The following DIAPH2 variants were observed in gnomAD, a reference collection of about 807,000 sequenced individuals.
The protein encoded by DIAPH2 is protein diaphanous homolog 2.
Under a neutral mutation model 92.7 loss-of-function variants are expected in DIAPH2, and 35 were observed. The ratio of observed to expected loss-of-function variants is 0.38; its 90% confidence interval spans 0.29 to 0.50. DIAPH2 has a LOEUF of 0.50. Ranked by LOEUF, DIAPH2 falls within the 20% of genes least tolerant of loss-of-function variation. DIAPH2 has a pLI of 0.94. For synonymous variants in DIAPH2, 301 were observed against 280.4 expected (o/e 1.07, Z -0.73); for missense variants, 701 against 819.5 (o/e 0.86, Z 1.77).
At chrX:97,593,401 A>G (rs138486520) in intron 26 of DIAPH2, among the ~76,000 whole-genome samples, 1,285 of 111,336 alleles carry the variant, frequency 0.012, 23 homozygotes, top group African/African-American at 0.04. Flanking sequence ...GTAAGAAAAA[A>G]AAGAAACAAA....
intron 23 of DIAPH2, among the ~76,000 whole-genome samples, chrX:97,296,776 C>CTT (rs1277806851): frequency 1.0e-4 from 10 of 97,338 alleles, no homozygotes; most frequent in African/African-American, 2.3e-4. Flanking sequence ...GGCTACAGAA[C>CTT]TTTTTTTTTT....
At chrX:97,559,295 TC>T (rs1177879391) in intron 26 of DIAPH2, among the ~76,000 whole-genome samples, 2 of 110,654 alleles carry the variant, frequency 1.8e-5, no homozygotes, top group Non-Finnish European at 3.8e-5. Context: ...ATCAAGACCA[TC>T]CTGGCCAACA....
At chrX:97,097,469 G>A (rs914567861) in intron 19 of DIAPH2, among the ~76,000 whole-genome samples, 1 of 111,876 alleles carries the variant, frequency 8.9e-6, no homozygotes, top group African/African-American at 3.2e-5. Flanking sequence ...GCTGAATAGA[G>A]AAAAGATATG....
intron 19 of DIAPH2, among the ~76,000 whole-genome samples, chrX:97,096,727 C>T (rs750044630): frequency 9.0e-6 from 1 of 111,676 alleles, no homozygotes; most frequent in Non-Finnish European, 1.9e-5. Context: ...CAGTGCTCTT[C>T]ACACAGTTCT....
chrX:97,315,344 A>T (rs527890107), intron 23 of DIAPH2, among the ~76,000 whole-genome samples: 3 of 112,016 alleles, frequency 2.7e-5, no homozygotes, highest in African/African-American at 9.7e-5. Flanking sequence ...ACACAAATAA[A>T]GCAAGTAATA....
chrX:97,186,759 C>T (rs780502886), intron 22 of DIAPH2, among the ~76,000 whole-genome samples: 3 of 111,916 alleles, frequency 2.7e-5, no homozygotes, highest in South Asian at 7.6e-4. Context: ...ATTCTAATCT[C>T]CCTCTAGCTA....
At chrX:96,971,592 A>G (rs933398607) in intron 17 of DIAPH2, among the ~76,000 whole-genome samples, 10 of 111,476 alleles carry the variant, frequency 9.0e-5, no homozygotes, top group African/African-American at 3.3e-4. Context: ...CCAAAACCTA[A>G]TCAAACCAAA....
At chrX:97,133,089 G>A (rs934817101) in intron 21 of DIAPH2, among the ~76,000 whole-genome samples, 2 of 111,506 alleles carry the variant, frequency 1.8e-5, no homozygotes, top group Non-Finnish European at 3.8e-5. Flanking sequence ...ATAGTCTTCC[G>A]TTAATGTGTG....
At chrX:96,932,787 T>C (rs1297862340) in intron 10 of DIAPH2, among the ~76,000 whole-genome samples, 1 of 111,264 alleles carries the variant, frequency 9.0e-6, no homozygotes, top group African/African-American at 3.3e-5. Flanking sequence ...GTTGGGAATA[T>C]TCTAATCCTA....
intron 21 of DIAPH2, among the ~76,000 whole-genome samples, chrX:97,123,551 A>G (rs1293279924): frequency 8.9e-6 from 1 of 112,196 alleles, no homozygotes. Context: ...TGATCTGTGC[A>G]TATGGACTTG....
At chrX:97,148,829 A>T (rs1261333637) in intron 22 of DIAPH2, among the ~76,000 whole-genome samples, 1 of 111,965 alleles carries the variant, frequency 8.9e-6, no homozygotes, top group Non-Finnish European at 1.9e-5. Context: ...AAACAAGGTA[A>T]ATTAGAATAA....
intron 15 of DIAPH2, among the ~76,000 whole-genome samples, chrX:96,952,815 A>G (rs2065784817): frequency 9.0e-6 from 1 of 110,661 alleles, no homozygotes; most frequent in Non-Finnish European, 1.9e-5. Flanking sequence ...ATCCAAGTAG[A>G]ACATTTATAT....
At chrX:97,262,468 A>C (rs905485890) in intron 23 of DIAPH2, among the ~76,000 whole-genome samples, 3 of 112,389 alleles carry the variant, frequency 2.7e-5, no homozygotes, top group African/African-American at 9.7e-5. Context: ...GGATTGCAGC[A>C]AGTGAGGGAG....
chrX:97,197,726 T>C (rs2067715095), intron 22 of DIAPH2, among the ~76,000 whole-genome samples: 1 of 111,900 alleles, frequency 8.9e-6, no homozygotes, highest in African/African-American at 3.2e-5. Flanking sequence ...TATATTTGAT[T>C]TGCAGAATTA....
chrX:97,348,917 A>G (rs1489116913), intron 24 of DIAPH2, among the ~76,000 whole-genome samples: 1 of 109,491 alleles, frequency 9.1e-6, no homozygotes, highest in Non-Finnish European at 1.9e-5. Context: ...GAGTAGCAGG[A>G]AGAGCACAGA....
chrX:97,152,875 G>A (rs1386797265), intron 22 of DIAPH2, among the ~76,000 whole-genome samples: 1 of 105,221 alleles, frequency 9.5e-6, no homozygotes, highest in African/African-American at 3.4e-5. Flanking sequence ...GAAGTAGTGA[G>A]GAGAAAACCC....
At chrX:97,166,165 A>T (rs984765783) in intron 22 of DIAPH2, among the ~76,000 whole-genome samples, 1 of 111,770 alleles carries the variant, frequency 8.9e-6, no homozygotes, top group Non-Finnish European at 1.9e-5. Flanking sequence ...TTGTCTTTAC[A>T]TTAACTTCTA....
intron 14 of DIAPH2, among the ~76,000 whole-genome samples, chrX:96,948,548 G>C (rs181358302): frequency 2.1e-4 from 24 of 112,105 alleles, no homozygotes; most frequent in Non-Finnish European, 4.1e-4. Context: ...ACTCCAGCCT[G>C]GGTGACACGA....
intron 17 of DIAPH2, among the ~76,000 whole-genome samples, chrX:97,061,560 G>A (rs1258659153): frequency 9.0e-6 from 1 of 111,092 alleles, no homozygotes; most frequent in Non-Finnish European, 1.9e-5. Flanking sequence ...TGTAATCCCA[G>A]CACTTTGGGA....
Sources: gnomAD v4.1 joint callset for allele counts (sites outside exome capture counted in the v4.1 genomes callset) on GRCh38, gnomAD v4.1.1 for gene constraint, MANE v1.5 for transcripts, NCBI Gene and HGNC (gene_info 2026-07-23, HGNC 2026-07-21) for gene names.